KRT6C: variants seen among roughly 807,000 people sequenced by gnomAD.
KRT6C encodes keratin 6C.
Under a neutral mutation model 49.4 loss-of-function variants are expected in KRT6C, and 46 were observed. The ratio of observed to expected loss-of-function variants is 0.93; its 90% CI spans 0.74 to 1.19. KRT6C has a LOEUF of 1.19. Ranked by LOEUF, KRT6C falls within the 50% of genes most tolerant of loss-of-function variation. KRT6C has a pLI of 0.00. For synonymous variants in KRT6C, 236 were observed against 297.1 expected, an observed-to-expected ratio of 0.79 and a Z score of 2.12; for missense variants, 552 against 737.5, an observed-to-expected ratio of 0.75 and a Z score of 2.91.
At position 52,471,522 on chromosome 12, in the gene KRT6C, G is replaced by T; in HGVS notation, c.817-6C>A. ...ATGTAGGCAGCATCCACATCCTGGG[G>T]AAAGAGCCAACAACCTGGAGTTACC... On this transcript the variant is annotated splice_polypyrimidine_tract_variant and splice_region_variant and intron_variant, in intron 3 of 8. Transcript: ENST00000252250. The T allele has an allele frequency of 6.2e-7, 1 of 1,613,272 alleles. No homozygotes were observed. The highest frequency in any genetic ancestry group is 8.5e-7 in the Non-Finnish European group (1 of 1,179,718).
In KRT6C at chr12:52,469,468, G is replaced by C. The variant is rs745975022; in HGVS notation, c.1425-23C>G. The C allele has an allele frequency of 3.1e-6, 5 of 1,613,972 alleles. No individual in the cohort carries two copies. In the South Asian group the frequency reaches 5.5e-5, roughly 18 times the overall value. ...AGCCTGTGGAGAGGAACACAGGGAG[G>C]GTGAGACCTCAGAGAGCTCTTCCTT... On this transcript the variant is annotated intron_variant, in intron 7 of 8. Transcript: ENST00000252250.
rs761980436 is a variant in KRT6C, at chr12:52,470,584, C to T, written c.1124G>A (p.Arg375His). Residue 375 changes from arginine (R) to histidine (H), a missense_variant, in exon 6 of 9, where the codon CGC (arginine) becomes CAC (histidine). By Grantham distance (29) the Arg-to-His change is conservative (BLOSUM62 0). Around this residue, in one of 3 missense-constraint regions of KRT6C, gnomAD observed 425 missense variants for 439.4 expected, o/e 0.97. Transcript: ENST00000252250. ...VTAGRHGDDL[R>H]NTKQEIAEIN... ...CTCAGCAATCTCCTGCTTGGTGTTG[C>T]GCAGGTCGTCCCCATGTCTGCCTGC... is the stretch of plus-strand genomic sequence containing the variant. 57 of 1,613,866 alleles carry T rather than the reference C, an allele frequency of 3.5e-5. No homozygotes were observed. The highest frequency in any genetic ancestry group is 2.5e-4 in the East Asian group (11 of 44,860).
At chr12:52,470,700 T>C (rs1318901418) in intron 5 of KRT6C, 70 bp from the exon 6 acceptor site, 2 of 1,612,438 alleles carry the variant, frequency 1.2e-6, no homozygotes, top group East Asian at 4.5e-5. Flanking sequence ...CTTTCACTTG[T>C]GTATCATGCA....
chr12:52,471,016 G>A (rs1250629072), intron 5 of KRT6C, 116 bp downstream of exon 5: 15 of 1,537,372 alleles, frequency 9.8e-6, no homozygotes, highest in Non-Finnish European at 1.1e-5. Flanking sequence ...CAGAGTGCAT[G>A]TCCTGTGAGA....
Position 52,471,251 on chromosome 12 carries a change from G to A in KRT6C, c.958C>T (p.Leu320=). ...QTHISDTSVV[L]SMDNNRNLDL... ...AGGTTGCGGTTGTTGTCCATGGATA[G>A]CACCACGGATGTGTCTGAGATGTGG... Residue 320 remains leucine, a synonymous_variant, in exon 5 of 9, where the codon CTA becomes TTA. Transcript: ENST00000252250. 6.2e-7 allele frequency: 1 copy of A among 1,614,198 alleles called. No individual in the cohort carries two copies. The highest frequency in any genetic ancestry group is 1.3e-5 in the African/African-American group (1 of 75,054).
intron 6 of KRT6C, 33 bp from the exon 7 acceptor site, chr12:52,469,923 G>T (rs779549221): frequency 6.2e-7 from 1 of 1,611,952 alleles, no homozygotes; most frequent in Non-Finnish European, 8.5e-7. Context: ...GGAACTTCTT[G>T]TCTGCTCCTC....
chr12:52,470,708 G>A, intron 5 of KRT6C, 78 bp from the exon 6 acceptor site: 2 of 1,611,848 alleles, frequency 1.2e-6, no homozygotes, highest in African/African-American at 1.3e-5. Flanking sequence ...TGTGTATCAT[G>A]CATGTCATGA....
chr12:52,473,025 G>A (rs1220815945), intron 1 of KRT6C, among the ~76,000 whole-genome samples, 173 bp downstream of exon 1: 1 of 149,448 alleles, frequency 6.7e-6, no homozygotes, highest in Non-Finnish European at 1.5e-5. Context: ...AGATCCCATG[G>A]GGGAGTGATG....
Position 52,471,472 on chromosome 12 carries a change from C to A in KRT6C, c.861G>T (p.Lys287Asn), listed in dbSNP as rs775007483. The A allele has an allele frequency of 1.2e-5, 19 of 1,613,720 alleles. No individual in the cohort carries two copies. Among genetic ancestry groups the A allele is most frequent in the Middle Eastern group, 1.6e-4 (1 of 6,078 alleles). Residue 287 changes from lysine to asparagine, a missense_variant, in exon 4 of 9, where the codon AAG (lysine) becomes AAT (asparagine). Physicochemically the swap from Lys to Asn is moderately conservative, Grantham distance 94. Around this residue, in one of 3 missense-constraint regions of KRT6C, gnomAD observed 425 missense variants for 439.4 expected, o/e 0.97. Transcript: ENST00000252250. ...AYMNKVELQAKADTLTDEINF... is the reference protein window; with the variant it reads ...AYMNKVELQANADTLTDEINF... The stretch of plus-strand genomic sequence containing the variant: ...TGATCTCATCTGTGAGAGTGTCTGC[C>A]TTGGCTTGCAGTTCAACCTTGTTCA...
intron 6 of KRT6C, 114 bp from the exon 7 acceptor site, chr12:52,470,004 C>T: frequency 8.5e-7 from 1 of 1,177,262 alleles, no homozygotes; most frequent in African/African-American, 1.5e-5. Context: ...TGAGCTTTGA[C>T]TCTTCCTGTC....
intron 6 of KRT6C, chr12:52,470,277 T>C (rs1168295242): frequency 2.9e-6 from 2 of 698,128 alleles, no homozygotes; most frequent in Non-Finnish European, 4.8e-6. Context: ...GGGGAGGTGG[T>C]AACTTTTTAC....
Position 52,470,076 on chromosome 12 carries a change from C to T in KRT6C, c.1204-186G>A, listed in dbSNP as rs577467423. On this transcript the variant is annotated intron_variant, in intron 6 of 8. Transcript: ENST00000252250. The stretch of plus-strand genomic sequence containing the variant: ...GGAGTCAAGTGACAAAGTCCTATGC[C>T]CCTTGTATTAAGCACCCGCATGAGA... 7.3e-4 allele frequency: 541 copies of T among 742,324 alleles called. 4 individuals are homozygous for T. In the African/African-American group the frequency reaches 8.7e-3, roughly 12 times the overall value. The allele number at this position is 742,324 out of a possible 1,614,324, so 46.0% of individuals were successfully genotyped here.
rs762033210 is a variant in KRT6C at position 52,469,280 on chromosome 12, T to A, written c.1477A>T (p.Ile493Phe). 1 of 1,613,892 alleles carries A rather than the reference T, an allele frequency of 6.2e-7. No individual in the cohort carries two copies. Among genetic ancestry groups the A allele is most frequent in the East Asian group, 2.2e-5 (1 of 44,870 alleles). ...CTGGCACCGCCATAGCCACTGGAGA[T>A]GGTGGACTGTACTACAGCTGTGGTG... The part of the protein sequence containing the change: ...QVNVSVVQST[I>F]SSGYGGASGV... Residue 493 changes from isoleucine (I) to phenylalanine (F), a missense_variant, in exon 9 of 9, where the codon ATC becomes TTC. Around this residue, in one of 3 missense-constraint regions of KRT6C, gnomAD observed 425 missense variants for 439.4 expected, o/e 0.97. Coordinates refer to ENST00000252250, the MANE Select transcript of KRT6C (RefSeq NM_173086.5).
intron 5 of KRT6C, among the ~76,000 whole-genome samples, 161 bp from the exon 6 acceptor site, chr12:52,470,791 C>T (rs1278758494): frequency 6.6e-6 from 1 of 152,068 alleles, no homozygotes; most frequent in African/African-American, 2.4e-5. Context: ...ATACTAAACT[C>T]TGGAGTCACA....
chr12:52,470,493 A>C lies in KRT6C; in HGVS notation c.1203+12T>G. On this transcript the variant is annotated intron_variant, in intron 6 of 8. Transcript: ENST00000252250. ...AAATGATGCTTCTTTCCTCCACTGC[A>C]CCTCACTGTACCTGCTTCTTGACAT... The C allele has an allele frequency of 6.2e-7, 1 of 1,614,064 alleles. No individual in the cohort carries two copies. The highest frequency in any genetic ancestry group is 8.5e-7 in the Non-Finnish European group (1 of 1,179,998).
Position 52,471,381 on chromosome 12 carries a change from A to T in KRT6C, c.912+40T>A, listed in dbSNP as rs746678427. 3 of 1,614,022 alleles carry T rather than the reference A, an allele frequency of 1.9e-6. No individual in the cohort carries two copies. The South Asian group carries it at 3.3e-5, about 18-fold the overall frequency. On this transcript the variant is annotated intron_variant, in intron 4 of 8. Coordinates refer to ENST00000252250, the MANE Select transcript of KRT6C (RefSeq NM_173086.5). ...CCTATACATCTTCTCCCCTTTGCAG[A>T]CCCCATCAGAGTAAACAGAAGGATG...
intron 5 of KRT6C, 144 bp downstream of exon 5, chr12:52,470,988 A>G (rs1242243142): frequency 3.5e-5 from 50 of 1,434,842 alleles, no homozygotes; most frequent in Non-Finnish European, 4.3e-5. Context: ...AGTTCCCCAA[A>G]TGTCTACTCT....
Position 52,473,708 on chromosome 12 carries a change from G to C in KRT6C, c.30C>G (p.Ser10Arg), listed in dbSNP as rs775024476. The part of the protein sequence containing the change: MASTSTTIR[S>R]HSSSRRGFSA... The stretch of plus-strand genomic sequence containing the variant: ...TGAAACCCCGGCGGCTGCTGCTGTG[G>C]CTCCTGATGGTGGTGGATGTGCTGG... The change falls in exon 1 of 9, where the codon AGC becomes AGG. Residue 10 changes from serine (S) to arginine (R), a missense_variant. Physicochemically the swap from Ser to Arg is moderately radical, Grantham distance 110. This residue lies in a region of KRT6C where 73 missense variants were observed against 102.1 expected (regional missense o/e 0.71). Transcript: ENST00000252250. 1 of 1,613,666 alleles carries C rather than the reference G, an allele frequency of 6.2e-7. No individual in the cohort carries two copies. The highest frequency in any genetic ancestry group is 1.3e-5 in the African/African-American group (1 of 74,878).
intron 6 of KRT6C, 179 bp downstream of exon 6, chr12:52,470,326 C>T (rs1394551464): frequency 1.8e-6 from 2 of 1,125,948 alleles, no homozygotes; most frequent in South Asian, 1.4e-5. Context: ...GCCTCAGAGG[C>T]TCATCCTCTT....
Sources: gnomAD v4.1 joint callset for allele counts (sites outside exome capture counted in the v4.1 genomes callset) on GRCh38, gnomAD v4.1.1 for gene constraint, gnomAD v4.1.1 regional missense constraint, MANE v1.5 for transcripts, NCBI Gene and HGNC (gene_info 2026-07-23, HGNC 2026-07-21) for gene names.